The following TRPM3 variants were observed in gnomAD, a reference collection of about 807,000 sequenced individuals.
TRPM3 encodes transient receptor potential cation channel subfamily M member 3, also known as long transient receptor potential channel 3.
Under a neutral mutation model 181.2 loss-of-function variants are expected in TRPM3, and 77 were observed. The observed-to-expected ratio is 0.42, with a 90% CI of 0.35 to 0.51. The LOEUF (loss-of-function observed/expected upper bound fraction) is 0.51, where lower values mean the gene tolerates loss of function less well. Ranked by LOEUF, TRPM3 falls within the 20% of genes least tolerant of loss-of-function variation. The probability of loss-of-function intolerance (pLI) is 0.01; values close to 1 mark genes in which losing one functional copy is unlikely to be tolerated. For missense variants in TRPM3, 1,759 were observed against 2,196.7 expected (o/e 0.80, Z 3.98); for synonymous variants, 745 against 796.4 (o/e 0.94, Z 1.09).
chr9:70,800,541 C>T (rs555567598), intron 6 of TRPM3, among the ~76,000 whole-genome samples: 2 of 152,298 alleles, frequency 1.3e-5, no homozygotes, highest in East Asian at 3.9e-4. Context: ...TCTGCCACTT[C>T]ATGAGACAGC....
At chr9:71,012,360 T>C (rs1352984496) in intron 1 of TRPM3, among the ~76,000 whole-genome samples, 1 of 152,026 alleles carries the variant, frequency 6.6e-6, no homozygotes. Flanking sequence ...GGTTCACCTG[T>C]CTGTGTGCCA....
At chr9:71,356,608 G>A (rs935725370) in intron 1 of TRPM3, among the ~76,000 whole-genome samples, 1 of 152,136 alleles carries the variant, frequency 6.6e-6, no homozygotes, top group African/African-American at 2.4e-5. Context: ...TTCAGTTACT[G>A]TGGAAGTTAA....
intron 1 of TRPM3, among the ~76,000 whole-genome samples, chr9:71,149,889 G>A (rs1587659450): frequency 1.3e-5 from 2 of 152,012 alleles, no homozygotes; most frequent in Admixed American, 6.6e-5. Context: ...CTTGTGCCTG[G>A]GAGGTCAAAA....
intron 1 of TRPM3, among the ~76,000 whole-genome samples, chr9:71,044,028 C>T (rs1298992584): frequency 6.6e-6 from 1 of 152,120 alleles, no homozygotes; most frequent in Non-Finnish European, 1.5e-5. Context: ...ATTCCATTAT[C>T]TTTTTCATGA....
chr9:70,945,580 A>G (rs2096925102), intron 1 of TRPM3, among the ~76,000 whole-genome samples: 1 of 152,024 alleles, frequency 6.6e-6, no homozygotes, highest in African/African-American at 2.4e-5. Context: ...ACATTAACCA[A>G]CTCCCCAAAT....
chr9:71,130,176 T>A (rs1366394514), intron 1 of TRPM3, among the ~76,000 whole-genome samples: 1 of 152,180 alleles, frequency 6.6e-6, no homozygotes, highest in African/African-American at 2.4e-5. Context: ...ACACTGTAAG[T>A]TTCAGAGCTA....
intron 6 of TRPM3, among the ~76,000 whole-genome samples, chr9:70,785,534 A>T (rs930051138): frequency 2.6e-5 from 4 of 152,190 alleles, no homozygotes; most frequent in African/African-American, 9.7e-5. Flanking sequence ...AAAATTCTGT[A>T]CTACTTCCAT....
intron 9 of TRPM3, among the ~76,000 whole-genome samples, chr9:70,667,631 C>T (rs1158675692): frequency 6.6e-6 from 1 of 152,188 alleles, no homozygotes; most frequent in African/African-American, 2.4e-5. Flanking sequence ...CTGTCTGCTT[C>T]TTAAAAAATA....
At chr9:71,232,724 C>T (rs1448662219) in intron 1 of TRPM3, among the ~76,000 whole-genome samples, 2 of 152,024 alleles carry the variant, frequency 1.3e-5, no homozygotes, top group Non-Finnish European at 2.9e-5. Flanking sequence ...TGGTCTTGAA[C>T]TCCAGACCTC....
intron 1 of TRPM3, among the ~76,000 whole-genome samples, chr9:71,233,263 A>G (rs2081178444): frequency 6.6e-6 from 1 of 152,244 alleles, no homozygotes; most frequent in South Asian, 2.1e-4. Flanking sequence ...GATTTATGTT[A>G]AAGACTCCAT....
intron 7 of TRPM3, among the ~76,000 whole-genome samples, chr9:70,768,833 TG>T (rs1464454471): frequency 6.6e-6 from 1 of 152,228 alleles, no homozygotes; most frequent in Non-Finnish European, 1.5e-5. Flanking sequence ...ACAGGTTATT[TG>T]ATCTCTTTAA....
At chr9:71,147,354 T>A (rs2075469034) in intron 1 of TRPM3, among the ~76,000 whole-genome samples, 1 of 151,828 alleles carries the variant, frequency 6.6e-6, no homozygotes, top group African/African-American at 2.4e-5. Flanking sequence ...TTCTTGCCTT[T>A]AAGGAGTTCA....
chr9:71,125,743 T>C (rs1304192242), upstream of TRPM3, among the ~76,000 whole-genome samples: 1 of 152,160 alleles, frequency 6.6e-6, no homozygotes, highest in Non-Finnish European at 1.5e-5. Flanking sequence ...AATACTTAAA[T>C]GTAAAACCCA....
At chr9:70,878,447 C>A (rs1448142121) in intron 1 of TRPM3, among the ~76,000 whole-genome samples, 1 of 152,008 alleles carries the variant, frequency 6.6e-6, no homozygotes, top group Admixed American at 6.6e-5. Context: ...GAACACTGAC[C>A]TGTGCAAAGC....
At chr9:71,008,109 A>G (rs539750867) in intron 1 of TRPM3, among the ~76,000 whole-genome samples, 2 of 152,244 alleles carry the variant, frequency 1.3e-5, no homozygotes, top group African/African-American at 2.4e-5. Context: ...ACCACAAAAT[A>G]GAAAGGATCA....
At chr9:71,430,776 A>T (rs2093942417) in intron 1 of TRPM3, among the ~76,000 whole-genome samples, 2 of 152,058 alleles carry the variant, frequency 1.3e-5, no homozygotes, top group African/African-American at 4.8e-5. Context: ...ATGCCACTGC[A>T]CTCCAACCTG....
intron 1 of TRPM3, among the ~76,000 whole-genome samples, chr9:70,933,994 G>A (rs2096800001): frequency 6.6e-6 from 1 of 152,030 alleles, no homozygotes; most frequent in Non-Finnish European, 1.5e-5. Flanking sequence ...ACCATCTTAG[G>A]GGTTCAATTT....
intron 3 of TRPM3, among the ~76,000 whole-genome samples, chr9:70,849,361 G>T (rs1050863927): frequency 6.6e-6 from 1 of 152,044 alleles, no homozygotes; most frequent in Non-Finnish European, 1.5e-5. Context: ...TGTCTAGGCT[G>T]GTCTTGAACT....
intron 8 of TRPM3, among the ~76,000 whole-genome samples, chr9:70,744,905 T>C (rs964425014): frequency 2.0e-5 from 3 of 152,158 alleles, no homozygotes; most frequent in African/African-American, 7.2e-5. Context: ...AGAAAGATGC[T>C]CTTGGTTTAA....
Sources: gnomAD v4.1 joint callset for allele counts (sites outside exome capture counted in the v4.1 genomes callset) on GRCh38, gnomAD v4.1.1 for gene constraint, MANE v1.5 for transcripts, NCBI Gene and HGNC (gene_info 2026-07-23, HGNC 2026-07-21) for gene names.